The following PCDHA1 variants were observed in gnomAD, a reference collection of about 807,000 sequenced individuals.
PCDHA1 encodes the protein protocadherin alpha-1.
A neutral mutation model predicts 61.3 loss-of-function variants in PCDHA1; 42 were observed. The ratio of observed to expected loss-of-function variants is 0.69; its 90% confidence interval spans 0.54 to 0.89. The LOEUF is 0.89. PCDHA1 is among the 40% of genes least tolerant of loss of function. PCDHA1 has a pLI of 0.00. For missense variants in PCDHA1, 1,256 were observed against 1,235.3 expected (o/e 1.02, Z -0.25); for synonymous variants, 610 against 553.8 (o/e 1.10, Z -1.43).
chr5:140,836,709 C>A, intron 1 of PCDHA1: 2 of 1,613,210 alleles, frequency 1.2e-6, no homozygotes, highest in Non-Finnish European at 1.7e-6. Context: ...CAGTCCCAGC[C>A]TTCCTCAGGG....
chr5:140,802,978 T>G (rs1353160652), intron 1 of PCDHA1: 1 of 1,613,862 alleles, frequency 6.2e-7, no homozygotes, highest in Non-Finnish European at 8.5e-7. Context: ...GTAGCGAAGG[T>G]GCGCGCAGTG....
chr5:141,008,329 T>C (rs2098370202), intron 3 of PCDHA1, among the ~76,000 whole-genome samples: 1 of 152,192 alleles, frequency 6.6e-6, no homozygotes, highest in Non-Finnish European at 1.5e-5. Context: ...AAACAGTTTA[T>C]TTGATGGAGC....
intron 1 of PCDHA1, among the ~76,000 whole-genome samples, chr5:140,952,804 C>T (rs191550367): frequency 2.6e-5 from 4 of 152,282 alleles, no homozygotes; most frequent in Non-Finnish European, 5.9e-5. Flanking sequence ...GCTCGCAGTT[C>T]TGCAGGCTGT....
At chr5:140,941,950 A>C (rs2093203816) in intron 1 of PCDHA1, among the ~76,000 whole-genome samples, 1 of 152,172 alleles carries the variant, frequency 6.6e-6, no homozygotes, top group Admixed American at 6.5e-5. Context: ...TTTGTTTTGA[A>C]AACAATAGTA....
intron 1 of PCDHA1, among the ~76,000 whole-genome samples, chr5:140,892,821 T>C (rs2063687425): frequency 6.6e-6 from 1 of 152,210 alleles, no homozygotes; most frequent in Non-Finnish European, 1.5e-5. Context: ...TATCCTACAG[T>C]GCTACAGTGC....
At chr5:140,968,947 C>T (rs1342316299) in intron 1 of PCDHA1, 6 of 1,614,042 alleles carry the variant, frequency 3.7e-6, no homozygotes, top group Non-Finnish European at 5.1e-6. Context: ...TCATTTTGAG[C>T]ATCATCAAGT....
At chr5:140,981,748 G>C (rs975887463) in intron 2 of PCDHA1, among the ~76,000 whole-genome samples, 28 of 151,686 alleles carry the variant, frequency 1.8e-4, no homozygotes, top group African/African-American at 6.8e-4. Context: ...ATATGAGTTA[G>C]TATTAGACAT....
At chr5:140,834,597 G>A (rs1554134361) in intron 1 of PCDHA1, 1 of 1,614,130 alleles carries the variant, frequency 6.2e-7, no homozygotes, top group African/African-American at 1.3e-5. Flanking sequence ...CAAATTCCGT[G>A]GGGATCTTCT....
At position 140,862,768 on chromosome 5, in the gene PCDHA1, G is replaced by C. The variant is rs1409687409; in HGVS notation, c.2394+74084G>C. The C allele has an allele frequency of 8.7e-6, 5 of 576,458 alleles. No individual in the cohort carries two copies. The African/African-American group carries it at 9.8e-5, about 11-fold the overall frequency. 35.7% of individuals were successfully genotyped at this position (576,458 alleles called of 1,614,324 possible). A position where few individuals can be genotyped will look rare whatever the true frequency, so the allele number is the denominator to read the frequency against. On this transcript the variant is annotated intron_variant, in intron 1 of 3. Transcript: ENST00000504120. ...GCACGCGGAGAGCGGCAAGAGGTAC[G>C]CGTTGCAGCCACTGGACTACGAGGA...
At chr5:140,883,052 A>G (rs1554176592) in intron 1 of PCDHA1, 1 of 1,614,134 alleles carries the variant, frequency 6.2e-7, no homozygotes, top group East Asian at 2.2e-5. Flanking sequence ...AACATTAGTG[A>G]TCAAGCTAAA....
At chr5:140,850,455 C>T (rs2150484906) in intron 1 of PCDHA1, 1 of 1,597,620 alleles carries the variant, frequency 6.3e-7, no homozygotes, top group Admixed American at 1.7e-5. Context: ...GGTGAAAGAC[C>T]ACGGGGAGCC....
chr5:140,941,214 C>CTTTCTTTCTTT (rs1554214039), intron 1 of PCDHA1, among the ~76,000 whole-genome samples: 7,707 of 122,054 alleles, frequency 0.063, 376 homozygotes, highest in South Asian at 0.093. Context: ...TTTCTTTCTT[C>CTTTCTTTCTTT]CTTTCTTTCT....
At chr5:140,869,953 A>G (rs781865487) in intron 1 of PCDHA1, 10 of 1,612,868 alleles carry the variant, frequency 6.2e-6, no homozygotes, top group Middle Eastern at 3.3e-4. Context: ...CTTAATGTCA[A>G]TTAAGCCCAA....
At chr5:140,888,645 C>A (rs1275572541) in intron 1 of PCDHA1, among the ~76,000 whole-genome samples, 2 of 152,200 alleles carry the variant, frequency 1.3e-5, no homozygotes, top group African/African-American at 4.8e-5. Context: ...GCAATACTTT[C>A]CTGAGGACAC....
At chr5:140,841,219 G>T in intron 1 of PCDHA1, 1 of 1,437,982 alleles carries the variant, frequency 7.0e-7, no homozygotes, top group South Asian at 1.4e-5. Context: ...TCTAAAGGCC[G>T]AACAACGGGA....
intron 1 of PCDHA1, among the ~76,000 whole-genome samples, chr5:140,878,982 T>C (rs1484097371): frequency 2.0e-5 from 3 of 152,206 alleles, no homozygotes; most frequent in African/African-American, 4.8e-5. Flanking sequence ...CCCTCTATCT[T>C]AGAAATGAGA....
At position 140,946,093 on chromosome 5, in the gene PCDHA1, T is replaced by A. The variant is rs1171535500; in HGVS notation, c.2395-32856T>A. Among the ~76,000 whole-genome samples, 4 of 151,584 alleles carry A rather than the reference T, an allele frequency of 2.6e-5. No homozygotes were observed. In the East Asian group the frequency reaches 7.7e-4, roughly 29 times the overall value. ...TGCAAACCACAGATCTGATAAGGAG[T>A]TAACATACCAAATATATAAGGAACT... is the stretch of plus-strand genomic sequence containing the variant. On this transcript the variant is annotated intron_variant, in intron 1 of 3. Transcript: ENST00000504120.
Position 140,786,682 on chromosome 5 carries a change from C to T in PCDHA1, c.392C>T (p.Pro131Leu). 2 of 1,614,212 alleles carry T rather than the reference C, an allele frequency of 1.2e-6. No homozygotes were observed. Among genetic ancestry groups the T allele is most frequent in the Non-Finnish European group, 8.5e-7 (1 of 1,180,038 alleles). ...VKVKDINDNP[P>L]VFRGREQIIF... ...GTGAAAGACATTAACGATAATCCAC[C>T]CGTCTTCAGGGGCAGAGAACAAATA... is the stretch of plus-strand genomic sequence containing the variant. Residue 131 changes from proline (P) to leucine (L), a missense_variant, in exon 1 of 4, where the codon CCC (proline) becomes CTC (leucine). By Grantham distance (98) the Pro-to-Leu change is moderately conservative (BLOSUM62 -3). Transcript: ENST00000504120.
chr5:140,989,948 C>T (rs1046056940), intron 3 of PCDHA1, among the ~76,000 whole-genome samples: 2 of 151,988 alleles, frequency 1.3e-5, no homozygotes, highest in Admixed American at 6.6e-5. Context: ...ACGTTTTTCT[C>T]GGTGAGACCA....
Sources: gnomAD v4.1 joint callset for allele counts (sites outside exome capture counted in the v4.1 genomes callset) on GRCh38, gnomAD v4.1.1 for gene constraint, MANE v1.5 for transcripts, NCBI Gene and HGNC (gene_info 2026-07-23, HGNC 2026-07-21) for gene names.